Variants in PTPRO observed in about 807,000 individuals in gnomAD.
PTPRO encodes receptor-type tyrosine-protein phosphatase O.
A neutral mutation model predicts 145.2 loss-of-function variants in PTPRO; 62 were observed. The ratio of observed to expected loss-of-function variants is 0.43; its 90% CI spans 0.35 to 0.53. PTPRO has a LOEUF of 0.53. Ranked by LOEUF, PTPRO falls within the 20% of genes least tolerant of loss-of-function variation. The probability of loss-of-function intolerance (pLI) is 0.01; values close to 1 mark genes in which losing one functional copy is unlikely to be tolerated. For synonymous variants in PTPRO, 565 were observed against 514.7 expected (o/e 1.10, Z -1.32); for missense variants, 1,345 against 1,482.7 (o/e 0.91, Z 1.53).
chr12:15,479,230 C>A (rs1941726355), intron 1 of PTPRO, among the ~76,000 whole-genome samples: 2 of 152,142 alleles, frequency 1.3e-5, no homozygotes, highest in Admixed American at 6.5e-5. Context: ...TTAGAAAGAG[C>A]CCCTGGGAAT....
In PTPRO at chr12:15,557,779, C is replaced by T. The variant is rs781167286; in HGVS notation, c.2627+256C>T. ...CAAGGGACTGAAACAGTGGTGCACA[C>T]GCAGGAGCCCATACCTGTGCTGAAA... On this transcript the variant is annotated intron_variant, in intron 16 of 26. Coordinates refer to ENST00000281171, the MANE Select transcript of PTPRO (RefSeq NM_030667.3). 3.9e-5 allele frequency among the ~76,000 whole-genome samples: 6 copies of T among 152,076 alleles called. No homozygotes were observed. The East Asian group carries it at 1.2e-3, about 29-fold the overall frequency.
At chr12:15,463,825 C>A (rs1238644096) in intron 1 of PTPRO, among the ~76,000 whole-genome samples, 1 of 152,108 alleles carries the variant, frequency 6.6e-6, no homozygotes, top group Non-Finnish European at 1.5e-5. Context: ...AACCCAGAAA[C>A]TGAACTATAA....
intron 19 of PTPRO, among the ~76,000 whole-genome samples, chr12:15,571,344 G>T (rs1205599414): frequency 6.6e-6 from 1 of 152,148 alleles, no homozygotes; most frequent in African/African-American, 2.4e-5. Context: ...CTAGAGAGCA[G>T]TGGCGCGATC....
intron 24 of PTPRO, among the ~76,000 whole-genome samples, 196 bp from the exon 25 acceptor site, chr12:15,589,259 C>A (rs909943630): frequency 6.6e-6 from 1 of 151,950 alleles, no homozygotes. Flanking sequence ...ACCTGTAATC[C>A]CAGCTACTCA....
intron 7 of PTPRO, among the ~76,000 whole-genome samples, chr12:15,511,081 T>C (rs990945638): frequency 6.6e-6 from 1 of 152,066 alleles, no homozygotes; most frequent in Non-Finnish European, 1.5e-5. Flanking sequence ...TTCTCCTTAT[T>C]CCTTTAGCTG....
intron 2 of PTPRO, among the ~76,000 whole-genome samples, chr12:15,485,070 A>C (rs1941857994): frequency 6.6e-6 from 1 of 152,124 alleles, no homozygotes; most frequent in African/African-American, 2.4e-5. Context: ...CAATTTGTTA[A>C]ATGCCATCTA....
intron 1 of PTPRO, among the ~76,000 whole-genome samples, chr12:15,336,078 A>T (rs928525706): frequency 6.6e-6 from 1 of 152,198 alleles, no homozygotes. Context: ...AAGAACTGGA[A>T]AACTGACAGA....
intron 1 of PTPRO, among the ~76,000 whole-genome samples, chr12:15,338,600 C>T (rs1866853036): frequency 6.6e-6 from 1 of 151,990 alleles, no homozygotes; most frequent in Non-Finnish European, 1.5e-5. Context: ...TTGTTAAAGG[C>T]AACATTTTAA....
intron 12 of PTPRO, among the ~76,000 whole-genome samples, chr12:15,541,466 A>ACTGGG (rs1373227296): frequency 6.6e-6 from 1 of 152,214 alleles, no homozygotes; most frequent in Non-Finnish European, 1.5e-5. Context: ...AATACCACAG[A>ACTGGG]CTGGGTGGCT....
chr12:15,409,957 A>G (rs531033923), intron 1 of PTPRO, among the ~76,000 whole-genome samples: 2 of 152,146 alleles, frequency 1.3e-5, no homozygotes, highest in Non-Finnish European at 2.9e-5. Flanking sequence ...AAACTATGTC[A>G]CCGTGTTACC....
chr12:15,503,832 A>G, intron 5 of PTPRO, 76 bp from the exon 6 acceptor site: 1 of 1,245,308 alleles, frequency 8.0e-7, no homozygotes, highest in Non-Finnish European at 1.1e-6. Context: ...ATTTTTTTTC[A>G]TTAATCGACT....
chr12:15,480,245 G>A (rs1354816339), intron 1 of PTPRO, among the ~76,000 whole-genome samples: 1 of 151,998 alleles, frequency 6.6e-6, no homozygotes, highest in African/African-American at 2.4e-5. Flanking sequence ...AAAGTACTTG[G>A]CTACATCCAA....
chr12:15,389,078 G>A (rs369797535), intron 1 of PTPRO, among the ~76,000 whole-genome samples: 1 of 151,584 alleles, frequency 6.6e-6, no homozygotes, highest in African/African-American at 2.4e-5. Context: ...GACAGAGCAA[G>A]ACCCTGTCTC....
Position 15,581,784 on chromosome 12 carries a change from C to T in PTPRO, c.3238C>T (p.His1080Tyr). 1 of 1,613,980 alleles carries T rather than the reference C, an allele frequency of 6.2e-7. No individual in the cohort carries two copies. The highest frequency in any genetic ancestry group is 8.5e-7 in the Non-Finnish European group (1 of 1,179,908). ...AGAGCAGGACGACTGGGCCTGTAGACACTTCCGGATCAACTATGTAAGTCA... is the reference window on the plus strand; with the variant it reads ...AGAGCAGGACGACTGGGCCTGTAGATACTTCCGGATCAACTATGTAAGTCA... ...EEEQDDWACRHFRINYADEMQ... is the reference protein window; with the variant it reads ...EEEQDDWACRYFRINYADEMQ... Residue 1080 changes from histidine (H) to tyrosine (Y), a missense_variant, in exon 23 of 27, where the codon CAC (histidine) becomes TAC (tyrosine). His to Tyr is a moderately conservative substitution (Grantham distance 83, BLOSUM62 2). Around this residue, in one of 3 missense-constraint regions of PTPRO, gnomAD observed 208 missense variants for 242.8 expected, o/e 0.86. Transcript: ENST00000281171.
rs1268675790 is a variant in PTPRO at position 15,526,383 on chromosome 12, G to T, written c.2164+121G>T. On this transcript the variant is annotated intron_variant, in intron 12 of 26. Coordinates refer to ENST00000281171, the MANE Select transcript of PTPRO (RefSeq NM_030667.3). ...AAAAATGGCTAATTTTTTATGAGTA[G>T]AAAATAGACATTTGTACTAGCAAAA... 3 of 1,327,308 alleles carry T rather than the reference G, an allele frequency of 2.3e-6. No homozygotes were observed. In the African/African-American group the frequency reaches 4.4e-5, roughly 19 times the overall value. The allele number at this position is 1,327,308 out of a possible 1,614,324, so 82.2% of individuals were successfully genotyped here.
At chr12:15,367,962 G>C (rs1938413131) in intron 1 of PTPRO, among the ~76,000 whole-genome samples, 1 of 152,154 alleles carries the variant, frequency 6.6e-6, no homozygotes, top group South Asian at 2.1e-4. Flanking sequence ...CTGGGTCTCA[G>C]AGTGACTAAA....
chr12:15,461,487 G>A (rs1394541949), intron 1 of PTPRO, among the ~76,000 whole-genome samples: 1 of 151,218 alleles, frequency 6.6e-6, no homozygotes, highest in Non-Finnish European at 1.5e-5. Flanking sequence ...ATTTTACAGA[G>A]TGTGACTCTT....
intron 1 of PTPRO, among the ~76,000 whole-genome samples, chr12:15,451,503 A>T (rs1591823232): frequency 6.6e-6 from 1 of 152,170 alleles, no homozygotes; most frequent in African/African-American, 2.4e-5. Context: ...GACTTAACAA[A>T]TATTTACAGA....
chr12:15,554,708 A>G (rs556692324), intron 15 of PTPRO, among the ~76,000 whole-genome samples: 14 of 152,146 alleles, frequency 9.2e-5, no homozygotes, highest in South Asian at 6.2e-4. Flanking sequence ...TGCCCACCCA[A>G]TTAAGGGTGG....
Sources: gnomAD v4.1 joint callset for allele counts (sites outside exome capture counted in the v4.1 genomes callset) on GRCh38, gnomAD v4.1.1 for gene constraint, gnomAD v4.1.1 regional missense constraint, MANE v1.5 for transcripts, NCBI Gene and HGNC (gene_info 2026-07-23, HGNC 2026-07-21) for gene names.